CMIP: variants seen among roughly 807,000 people sequenced by gnomAD.
CMIP encodes c-Maf inducing protein.
A neutral mutation model predicts 97.3 loss-of-function variants in CMIP; 13 were observed. That is an observed-to-expected ratio of 0.13 (90% CI 0.09 to 0.21). CMIP has a LOEUF of 0.21. CMIP is among the 10% of genes least tolerant of loss of function. The pLI is 1.00. For missense variants in CMIP, 847 were observed against 1,024.9 expected, an observed-to-expected ratio of 0.83 and a Z score of 2.37; for synonymous variants, 538 against 436.3, an observed-to-expected ratio of 1.23 and a Z score of -2.91.
intron 3 of CMIP, among the ~76,000 whole-genome samples, chr16:81,638,831 G>A (rs993145904): frequency 7.9e-5 from 12 of 152,042 alleles, no homozygotes; most frequent in African/African-American, 2.7e-4. Flanking sequence ...CAGGAGGGGC[G>A]GGCAGGCTGT....
rs1051747147 is a variant in CMIP at position 81,465,222 on chromosome 16, T to A, written c.300+19681T>A. On this transcript the variant is annotated intron_variant, in intron 1 of 20. Coordinates refer to ENST00000537098, the MANE Select transcript of CMIP (RefSeq NM_198390.3). ...GACAGCCAGAGATGATAATTAACATTTTTGTAGGGTGTTCATTTGCATGTG... is the reference window on the plus strand; with the variant it reads ...GACAGCCAGAGATGATAATTAACATATTTGTAGGGTGTTCATTTGCATGTG... Among the ~76,000 whole-genome samples the A allele has an allele frequency of 2.0e-5, 3 of 152,152 alleles. No individual in the cohort carries two copies. In the East Asian group the frequency reaches 5.8e-4, roughly 29 times the overall value.
At chr16:81,451,126 C>T (rs1906183037) in intron 1 of CMIP, among the ~76,000 whole-genome samples, 1 of 152,128 alleles carries the variant, frequency 6.6e-6, no homozygotes. Flanking sequence ...TGGATGTGTT[C>T]CCACTTAAAT....
Position 81,634,971 on chromosome 16 carries a change from C to T in CMIP, c.477+14045C>T, listed in dbSNP as rs541647378. The stretch of plus-strand genomic sequence containing the variant: ...CCTTATTTGGGATAGAGAGAGTTCC[C>T]TTTATCAGGCCCAAAGGAAACAGAG... On this transcript the variant is annotated intron_variant, in intron 3 of 20. Transcript: ENST00000537098. 1.9e-3 allele frequency among the ~76,000 whole-genome samples: 292 copies of T among 152,304 alleles called. 4 individuals are homozygous for T. The highest frequency in any genetic ancestry group is 4.3e-4 in the Non-Finnish European group (29 of 68,034).
At chr16:81,510,410 C>G (rs1414651758) in intron 1 of CMIP, among the ~76,000 whole-genome samples, 2 of 152,202 alleles carry the variant, frequency 1.3e-5, no homozygotes, top group Non-Finnish European at 2.9e-5. Context: ...TTATTATGTG[C>G]TCTCAGCTAA....
At chr16:81,456,296 G>GC (rs1421203028) in intron 1 of CMIP, among the ~76,000 whole-genome samples, 1 of 152,158 alleles carries the variant, frequency 6.6e-6, no homozygotes, top group Non-Finnish European at 1.5e-5. Flanking sequence ...AGGCGTGTGC[G>GC]CATTTCGTCC....
At chr16:81,522,212 G>A (rs760675545) in intron 1 of CMIP, among the ~76,000 whole-genome samples, 3 of 152,200 alleles carry the variant, frequency 2.0e-5, no homozygotes, top group East Asian at 1.9e-4. Context: ...TCCCATTGGC[G>A]ATCGATGATG....
chr16:81,627,434 G>A lies in CMIP; in HGVS notation c.477+6508G>A, dbSNP rs1030475162. Among the ~76,000 whole-genome samples the A allele has an allele frequency of 6.6e-6, 1 of 152,006 alleles. No homozygotes were observed. The highest frequency in any genetic ancestry group is 2.1e-4 in the South Asian group (1 of 4,828). On this transcript the variant is annotated intron_variant, in intron 3 of 20. Coordinates refer to ENST00000537098, the MANE Select transcript of CMIP (RefSeq NM_198390.3). This position sits in a 1 kb window ranked among gnomAD's most constrained non-coding sequence, Gnocchi z 4.6. ...GCCCACGCGTGGGAGCCTCTCATGCGCCATCATCAGTGTCTCCAAGTGGGT... is the reference window on the plus strand; with the variant it reads ...GCCCACGCGTGGGAGCCTCTCATGCACCATCATCAGTGTCTCCAAGTGGGT...
intron 3 of CMIP, among the ~76,000 whole-genome samples, chr16:81,626,784 A>AGT (rs1486939236): frequency 2.9e-4 from 17 of 57,966 alleles, no homozygotes; most frequent in East Asian, 1.9e-3. Context: ...ACAGAGAGAG[A>AGT]GAGAGTGTGT....
intron 3 of CMIP, chr16:81,645,702 G>T (rs1020815451): frequency 7.3e-6 from 10 of 1,368,822 alleles, no homozygotes; most frequent in Admixed American, 3.9e-5. Flanking sequence ...TCTGCTTGCC[G>T]CTGGCTGGTG....
intron 13 of CMIP, among the ~76,000 whole-genome samples, chr16:81,695,034 A>G (rs577607877): frequency 1.6e-4 from 25 of 152,314 alleles, no homozygotes; most frequent in Middle Eastern, 3.4e-3. Context: ...CGCTGGGAGA[A>G]CAAAAGTGGC....
intron 7 of CMIP, among the ~76,000 whole-genome samples, 193 bp from the exon 8 acceptor site, chr16:81,669,949 G>A (rs910282952): frequency 1.3e-5 from 2 of 152,228 alleles, no homozygotes; most frequent in African/African-American, 2.4e-5. Flanking sequence ...GAGTGGAAGC[G>A]CGGGTGTCGC....
chr16:81,612,855 G>C (rs1427496748), intron 2 of CMIP, among the ~76,000 whole-genome samples: 1 of 152,106 alleles, frequency 6.6e-6, no homozygotes, highest in African/African-American at 2.4e-5. Context: ...ACCTTTCCCA[G>C]GTCTGAATGG....
chr16:81,670,622 G>T (rs1255415670), intron 8 of CMIP, among the ~76,000 whole-genome samples: 996 of 11,974 alleles, frequency 0.083, 24 homozygotes, highest in Admixed American at 0.32. Context: ...GTTTTTTTTG[G>T]GGGGGGGGGG....
intron 1 of CMIP, among the ~76,000 whole-genome samples, chr16:81,572,774 A>G (rs1484102802): frequency 6.6e-6 from 1 of 152,082 alleles, no homozygotes; most frequent in Non-Finnish European, 1.5e-5. Flanking sequence ...CTGGTTGTGA[A>G]ATCAGTTTGA....
chr16:81,539,585 C>T (rs1035074126), intron 1 of CMIP, among the ~76,000 whole-genome samples: 4 of 152,194 alleles, frequency 2.6e-5, no homozygotes, highest in Non-Finnish European at 5.9e-5. Context: ...TCTGTCTGGC[C>T]CTGCCTCTCC....
chr16:81,457,606 G>A (rs1031421837), intron 1 of CMIP, among the ~76,000 whole-genome samples: 3 of 152,154 alleles, frequency 2.0e-5, no homozygotes, highest in Admixed American at 6.5e-5. Context: ...ACATGTCCCC[G>A]GGGGGCCACA....
At chr16:81,535,630 AATT>A (rs1243530146) in intron 1 of CMIP, among the ~76,000 whole-genome samples, 1 of 152,092 alleles carries the variant, frequency 6.6e-6, no homozygotes, top group African/African-American at 2.4e-5. Flanking sequence ...GTAATAATAC[AATT>A]ATTATTATTT....
intron 1 of CMIP, among the ~76,000 whole-genome samples, chr16:81,511,555 C>T (rs1430680946): frequency 1.3e-5 from 2 of 152,136 alleles, no homozygotes; most frequent in Non-Finnish European, 2.9e-5. Flanking sequence ...TTCCTGCATA[C>T]CTTGTGAATT....
intron 6 of CMIP, among the ~76,000 whole-genome samples, chr16:81,663,112 A>T (rs1010930301): frequency 6.1e-5 from 9 of 147,548 alleles, no homozygotes; most frequent in African/African-American, 2.1e-4. Flanking sequence ...AAAAAAAAAA[A>T]ATTTTAAGGC....
Sources: gnomAD v4.1 joint callset for allele counts (sites outside exome capture counted in the v4.1 genomes callset) on GRCh38, gnomAD v4.1.1 for gene constraint, Gnocchi (gnomAD v3.1) non-coding constraint, MANE v1.5 for transcripts, NCBI Gene and HGNC (gene_info 2026-07-23, HGNC 2026-07-21) for gene names.